The following AGO4 variants were observed in gnomAD, a reference collection of about 807,000 sequenced individuals.
AGO4 encodes protein argonaute-4.
AGO4 carries 33 observed loss-of-function variants against 104.7 expected under a neutral mutation model. The observed-to-expected ratio is 0.32, with a 90% confidence interval of 0.24 to 0.42. The LOEUF is 0.42. AGO4 is among the 10% of genes least tolerant of loss of function. The pLI is 1.00. For synonymous variants in AGO4, 331 were observed against 364.7 expected (o/e 0.91, Z 1.05); for missense variants, 711 against 1,083.4 (o/e 0.66, Z 4.83).
In AGO4 at chr1:35,854,357, T is replaced by C. The variant is rs918748758; in HGVS notation, c.*752T>C. Reference sequence around the variant, plus strand: ...AACACTGCCATGATAAAAGTACTCATGTTTCCCCTATTTGGAAAAAAAAAT... The same window carrying C: ...AACACTGCCATGATAAAAGTACTCACGTTTCCCCTATTTGGAAAAAAAAAT... On this transcript the variant is annotated 3_prime_UTR_variant, in exon 18 of 18. Transcript: ENST00000373210. The C allele has an allele frequency of 1.3e-5, 2 of 152,684 alleles. No homozygotes were observed. The highest frequency in any genetic ancestry group is 4.8e-5 in the African/African-American group (2 of 41,468). The allele number at this position is 152,684 out of a possible 1,614,324, so 9.5% of individuals were successfully genotyped here.
intron 7 of AGO4, among the ~76,000 whole-genome samples, chr1:35,828,713 G>C (rs911441545): frequency 1.2e-4 from 18 of 151,932 alleles, no homozygotes; most frequent in Admixed American, 1.1e-3. Flanking sequence ...TAGAGACAGG[G>C]TTCCTCTATG....
At chr1:35,846,291 C>T (rs148900438) in intron 15 of AGO4, among the ~76,000 whole-genome samples, 21 of 152,104 alleles carry the variant, frequency 1.4e-4, no homozygotes, top group African/African-American at 3.9e-4. Context: ...TCCCTCCATA[C>T]GCATTTAGAA....
rs1643992960 is a variant in AGO4 at position 35,825,403 on chromosome 1, C to G, written c.397C>G (p.Leu133Val). The change falls in exon 4 of 18, where the codon CTT becomes GTT. Residue 133 changes from leucine to valine, a missense_variant. Physicochemically the swap from Leu to Val is conservative, Grantham distance 32. Around this residue, in one of 3 missense-constraint regions of AGO4, gnomAD observed 308 missense variants for 397.8 expected, o/e 0.77. Coordinates refer to ENST00000373210, the MANE Select transcript of AGO4 (RefSeq NM_017629.4). ...QWVSVVSLQL[L>V]LEALAGHLNE... ...GGTGTCAGTTGTGAGCCTTCAGTTG[C>G]TTTTAGAAGCTTTGGCTGGGCACTT... The G allele has an allele frequency of 6.2e-7, 1 of 1,614,118 alleles. No homozygotes were observed. Among genetic ancestry groups the G allele is most frequent in the Non-Finnish European group, 8.5e-7 (1 of 1,180,038 alleles).
In AGO4 at chr1:35,808,803, G is replaced by A. The variant is rs1264477197; in HGVS notation, c.19+368G>A. Among the ~76,000 whole-genome samples, 1 of 152,214 alleles carries A rather than the reference G, an allele frequency of 6.6e-6. No homozygotes were observed. Among genetic ancestry groups the A allele is most frequent in the South Asian group, 2.1e-4 (1 of 4,830 alleles). On this transcript the variant is annotated intron_variant, in intron 1 of 17. Transcript: ENST00000373210. The surrounding 1 kb of genome is among the most constrained non-coding windows in gnomAD (Gnocchi z 5.2). The stretch of plus-strand genomic sequence containing the variant: ...CCAGTGCGCGCGGAGGCCTGGCCCA[G>A]ACCGGGAAAAGGGCCCCGCTGCCTA...
intron 5 of AGO4, 55 bp downstream of exon 5, chr1:35,825,870 G>A (rs940936670): frequency 1.3e-6 from 2 of 1,597,914 alleles, no homozygotes; most frequent in African/African-American, 2.7e-5. Flanking sequence ...TTGTTTGTTT[G>A]TTTGTTTTGG....
chr1:35,831,370 A>G, intron 7 of AGO4, 57 bp from the exon 8 acceptor site: 2 of 1,541,092 alleles, frequency 1.3e-6, no homozygotes, highest in Non-Finnish European at 1.7e-6. Flanking sequence ...GAAAAAAGAA[A>G]AAGAAGAAAA....
intron 15 of AGO4, among the ~76,000 whole-genome samples, chr1:35,846,037 A>C (rs978677052): frequency 1.3e-5 from 2 of 152,212 alleles, no homozygotes; most frequent in Non-Finnish European, 2.9e-5. Context: ...CCCCTGAGAT[A>C]ATTGGGTGTG....
intron 1 of AGO4, among the ~76,000 whole-genome samples, chr1:35,815,853 G>A (rs1183264882): frequency 1.3e-5 from 2 of 152,108 alleles, no homozygotes; most frequent in East Asian, 3.8e-4. Flanking sequence ...TGTTTCCTGG[G>A]GAACAAATTT....
Position 35,849,772 on chromosome 1 carries a change from A to T in AGO4, c.2176-385A>T, listed in dbSNP as rs572349352. Among the ~76,000 whole-genome samples the T allele has an allele frequency of 2.0e-5, 3 of 151,810 alleles. No homozygotes were observed. In the South Asian group the frequency reaches 6.2e-4, roughly 32 times the overall value. On this transcript the variant is annotated intron_variant, in intron 15 of 17. Coordinates refer to ENST00000373210, the MANE Select transcript of AGO4 (RefSeq NM_017629.4). Reference sequence around the variant, plus strand: ...CTTAATCTTTTACTGAAAATTGTGAATTTTTTTTACTCCAAGTAAGGAATA... The same window carrying T: ...CTTAATCTTTTACTGAAAATTGTGATTTTTTTTTACTCCAAGTAAGGAATA...
intron 6 of AGO4, among the ~76,000 whole-genome samples, chr1:35,826,401 T>C (rs1444560741): frequency 6.6e-6 from 1 of 152,224 alleles, no homozygotes; most frequent in African/African-American, 2.4e-5. Context: ...TTTATTATCC[T>C]TCTGGGATTT....
At chr1:35,814,298 GTTCAT>G (rs1371195150) in intron 1 of AGO4, among the ~76,000 whole-genome samples, 2 of 151,878 alleles carry the variant, frequency 1.3e-5, no homozygotes, top group African/African-American at 2.4e-5. Context: ...TTAATAGGAG[GTTCAT>G]TTCTTTTTTT....
intron 16 of AGO4, 37 bp from the exon 17 acceptor site, chr1:35,850,817 C>CA (rs11403763): frequency 0.79 from 773,016 of 978,684 alleles, 284,143 homozygotes; most frequent in African/African-American, 0.86. Context: ...AAAAAACGAA[C>CA]AAAAAAAAAA....
At chr1:35,836,473 G>A (rs1029105665) in intron 13 of AGO4, among the ~76,000 whole-genome samples, 2 of 152,158 alleles carry the variant, frequency 1.3e-5, no homozygotes, top group South Asian at 4.1e-4. Context: ...GCAGTGATGC[G>A]ATCTCGGCTT....
chr1:35,816,474 C>CCAT (rs997393289), intron 1 of AGO4, among the ~76,000 whole-genome samples: 3 of 151,976 alleles, frequency 2.0e-5, no homozygotes, highest in African/African-American at 7.2e-5. Flanking sequence ...ATAACTGTAG[C>CCAT]CATCATCATC....
chr1:35,828,288 G>A (rs993980236), intron 7 of AGO4, among the ~76,000 whole-genome samples: 1 of 152,102 alleles, frequency 6.6e-6, no homozygotes, highest in African/African-American at 2.4e-5. Context: ...CTGAGTATCT[G>A]GGACTACAGG....
At chr1:35,831,784 A>G in intron 8 of AGO4, 28 bp from the exon 9 acceptor site, 1 of 1,613,706 alleles carries the variant, frequency 6.2e-7, no homozygotes, top group Non-Finnish European at 8.5e-7. Context: ...CCCTTTACAC[A>G]AACCAATTTC....
intron 15 of AGO4, among the ~76,000 whole-genome samples, chr1:35,843,254 C>T (rs531917051): frequency 2.6e-5 from 4 of 152,132 alleles, no homozygotes; most frequent in South Asian, 2.1e-4. Flanking sequence ...TTAGTTGAGA[C>T]GGGGTTTCAC....
intron 16 of AGO4, 34 bp downstream of exon 16, chr1:35,850,292 A>C (rs950263669): frequency 6.5e-7 from 1 of 1,539,152 alleles, no homozygotes; most frequent in Non-Finnish European, 9.0e-7. Flanking sequence ...CTTTGACTTG[A>C]TAGGGAGATG....
At chr1:35,851,170 G>A (rs1644694124) in intron 17 of AGO4, 117 bp downstream of exon 17, 1 of 1,096,242 alleles carries the variant, frequency 9.1e-7, no homozygotes, top group Non-Finnish European at 1.3e-6. Flanking sequence ...ATTGTAAGAA[G>A]CAAATAAAAT....
Sources: gnomAD v4.1 joint callset for allele counts (sites outside exome capture counted in the v4.1 genomes callset) on GRCh38, gnomAD v4.1.1 for gene constraint, gnomAD v4.1.1 regional missense constraint, Gnocchi (gnomAD v3.1) non-coding constraint, MANE v1.5 for transcripts, NCBI Gene and HGNC (gene_info 2026-07-23, HGNC 2026-07-21) for gene names.